TET1: variants seen among roughly 807,000 people sequenced by gnomAD.
The protein encoded by TET1 is tet methylcytosine dioxygenase 1.
Under a neutral mutation model 148.7 loss-of-function variants are expected in TET1, and 13 were observed. That is an observed-to-expected ratio of 0.09 (90% confidence interval 0.06 to 0.14). TET1 has a LOEUF of 0.14. Ranked by LOEUF, TET1 falls within the 10% of genes least tolerant of loss-of-function variation. TET1 has a pLI of 1.00. For synonymous variants in TET1, 907 were observed against 937.2 expected, an observed-to-expected ratio of 0.97 and a Z score of 0.59; for missense variants, 2,182 against 2,553.8, an observed-to-expected ratio of 0.85 and a Z score of 3.14.
At chr10:68,624,690 C>CTTTCTT (rs1447911875) in intron 3 of TET1, among the ~76,000 whole-genome samples, 27 of 123,250 alleles carry the variant, frequency 2.2e-4, no homozygotes, top group African/African-American at 7.9e-4. Context: ...CTCTCTCTCT[C>CTTTCTT]TCTCTCTTTC....
intron 1 of TET1, 93 bp downstream of exon 1, chr10:68,560,835 G>C (rs920829818): frequency 6.6e-6 from 1 of 152,570 alleles, no homozygotes; most frequent in African/African-American, 2.4e-5. Flanking sequence ...CGCTCGGCGC[G>C]GGCTGGATGT....
intron 2 of TET1, among the ~76,000 whole-genome samples, chr10:68,582,126 G>A (rs1253448063): frequency 6.7e-6 from 1 of 148,494 alleles, no homozygotes; most frequent in Non-Finnish European, 1.5e-5. Context: ...TGGAAATGGA[G>A]TTTTGCTCTT....
rs147014358 is a variant in TET1, at chr10:68,572,809, G to A, written c.471G>A (p.Ser157=). The A allele has an allele frequency of 9.3e-6, 15 of 1,613,916 alleles. No individual in the cohort carries two copies. Among genetic ancestry groups the A allele is most frequent in the African/African-American group, 5.3e-5 (4 of 74,882 alleles). The change falls in exon 2 of 12, where the codon TCG becomes TCA. Residue 157 remains serine (S), a synonymous_variant. Coordinates refer to ENST00000373644, the MANE Select transcript of TET1 (RefSeq NM_030625.3). ...ALGVKHSEND[S]VPMQDTQVLP... ...GAGTAAAGCACTCAGAAAATGATTC[G>A]GTTCCAATGCAAGACACCCAAGTCC...
intron 3 of TET1, among the ~76,000 whole-genome samples, chr10:68,637,306 C>CT (rs1415561234): frequency 6.6e-6 from 1 of 151,772 alleles, no homozygotes; most frequent in Non-Finnish European, 1.5e-5. Flanking sequence ...CTTTTTATCC[C>CT]TAAAAAAAGA....
chr10:68,617,232 A>G lies in TET1; in HGVS notation c.1968+16198A>G, dbSNP rs1406400158. 3.5e-3 allele frequency among the ~76,000 whole-genome samples: 407 copies of G among 117,504 alleles called. No individual in the cohort carries two copies. In the Middle Eastern group the frequency reaches 0.056, roughly 16 times the overall value. 77.1% of individuals were successfully genotyped at this position (117,504 alleles called of 152,430 possible). The stretch of plus-strand genomic sequence containing the variant: ...GTAGAGACGGGGTTTCACCATGTTA[A>G]CCAGTATGGTCTCGATCTCCTGACC... On this transcript the variant is annotated intron_variant, in intron 3 of 11. Transcript: ENST00000373644.
rs1379404110 is a variant in TET1 at position 68,562,692 on chromosome 10, C to T, written c.-123+1950C>T. Among the ~76,000 whole-genome samples, 3 of 140,168 alleles carry T rather than the reference C, an allele frequency of 2.1e-5. No homozygotes were observed. The East Asian group carries it at 7.7e-4, about 36-fold the overall frequency. 92.0% of individuals were successfully genotyped at this position (140,168 alleles called of 152,430 possible). A position where few individuals can be genotyped will look rare whatever the true frequency, so the allele number is the denominator to read the frequency against. On this transcript the variant is annotated intron_variant, in intron 1 of 11. Coordinates refer to ENST00000373644, the MANE Select transcript of TET1 (RefSeq NM_030625.3). ...TTAATAAGAGTTAACTATCGCTCTC[C>T]GGGCTGGTCTCCCAGAATAGATGGG...
chr10:68,580,506 A>G (rs2053782143), intron 2 of TET1, among the ~76,000 whole-genome samples: 1 of 149,718 alleles, frequency 6.7e-6, no homozygotes, highest in East Asian at 2.0e-4. Context: ...AAGGCCGGGC[A>G]CGGTGGCTCA....
chr10:68,607,688 T>G (rs2054145083), intron 3 of TET1, among the ~76,000 whole-genome samples: 2 of 151,478 alleles, frequency 1.3e-5, no homozygotes, highest in South Asian at 4.1e-4. Context: ...GCTCCCAAAG[T>G]GCAGGCCTGC....
Position 68,646,039 on chromosome 10 carries a change from C to G in TET1, c.3310C>G (p.Pro1104Ala). 1 of 1,613,966 alleles carries G rather than the reference C, an allele frequency of 6.2e-7. No homozygotes were observed. The highest frequency in any genetic ancestry group is 8.5e-7 in the Non-Finnish European group (1 of 1,180,008). Reference sequence around the variant, plus strand: ...AGAGGACAAAAAAGTTGAAAGTACACCAACAAGCCTTGTCACATGTAATGT... The same window carrying G: ...AGAGGACAAAAAAGTTGAAAGTACAGCAACAAGCCTTGTCACATGTAATGT... The part of the protein sequence containing the change: ...KPEDKKVEST[P>A]TSLVTCNVQQ... The change falls in exon 4 of 12, where the codon CCA becomes GCA. Residue 1104 changes from proline to alanine, a missense_variant. Around this residue, in one of 11 missense-constraint regions of TET1, gnomAD observed 582 missense variants for 599.5 expected, o/e 0.97. Coordinates refer to ENST00000373644, the MANE Select transcript of TET1 (RefSeq NM_030625.3).
intron 3 of TET1, among the ~76,000 whole-genome samples, chr10:68,611,677 TC>T (rs1395059907): frequency 6.8e-5 from 4 of 59,114 alleles, no homozygotes; most frequent in Non-Finnish European, 1.9e-4. Flanking sequence ...TTCTTTTCTT[TC>T]TTTTCTTTTC....
intron 2 of TET1, among the ~76,000 whole-genome samples, chr10:68,592,410 C>T (rs2053929042): frequency 6.6e-6 from 1 of 152,164 alleles, no homozygotes; most frequent in Non-Finnish European, 1.5e-5. Context: ...GAAAAGGTAA[C>T]TTATATTTTT....
chr10:68,675,034 C>T (rs750988650), intron 8 of TET1: 2 of 438,308 alleles, frequency 4.6e-6, no homozygotes, highest in South Asian at 2.1e-5. Context: ...TCTGGAAAAG[C>T]CACTGAGGAC....
intron 6 of TET1, among the ~76,000 whole-genome samples, chr10:68,662,681 C>A (rs768192046): frequency 1.3e-5 from 2 of 152,176 alleles, no homozygotes; most frequent in Admixed American, 6.5e-5. Context: ...ATGCACAGAT[C>A]GCTTGAGGCC....
rs10998370 is a variant in TET1, at chr10:68,657,695, G to T, written c.4461+5101G>T. Among the ~76,000 whole-genome samples, 216 of 152,240 alleles carry T rather than the reference G, an allele frequency of 1.4e-3. 5 individuals carry two copies. In the East Asian group the frequency reaches 0.028, roughly 20 times the overall value. On this transcript the variant is annotated intron_variant, in intron 6 of 11. Coordinates refer to ENST00000373644, the MANE Select transcript of TET1 (RefSeq NM_030625.3). ...GGTATCTTGAAATAGTATGGCTATG[G>T]TATTCATTATTAGCTATATTCTGAG...
intron 8 of TET1, chr10:68,675,079 A>G (rs111755275): frequency 4.0e-5 from 23 of 573,544 alleles, no homozygotes; most frequent in Middle Eastern, 4.8e-4. Flanking sequence ...GCTGATGGAT[A>G]TGAACCACTA....
chr10:68,640,770 C>T (rs1370476548), intron 3 of TET1, among the ~76,000 whole-genome samples: 2 of 151,276 alleles, frequency 1.3e-5, no homozygotes, highest in Admixed American at 6.6e-5. Flanking sequence ...CCAGGATGGT[C>T]TCTATCTCCT....
At chr10:68,679,217 C>T (rs2055404094) in intron 8 of TET1, among the ~76,000 whole-genome samples, 1 of 151,908 alleles carries the variant, frequency 6.6e-6, no homozygotes, top group South Asian at 2.1e-4. Flanking sequence ...AAAATAATAC[C>T]AACAGTGAAC....
chr10:68,572,399 A>G lies in TET1; in HGVS notation c.61A>G (p.Lys21Glu). 1 of 1,613,032 alleles carries G rather than the reference A, an allele frequency of 6.2e-7. No homozygotes were observed. The highest frequency in any genetic ancestry group is 8.5e-7 in the Non-Finnish European group (1 of 1,179,772). Residue 21 changes from lysine (K) to glutamate (E), a missense_variant, in exon 2 of 12, where the codon AAA (lysine) becomes GAA (glutamate). By Grantham distance (56) the Lys-to-Glu change is moderately conservative. Coordinates refer to ENST00000373644, the MANE Select transcript of TET1 (RefSeq NM_030625.3). ...RLVRKEDVNK[K>E]KKNSQLRKTT... ...AGTCAGGAAGGAAGATGTAAACAAA[A>G]AAAAGAAAAACAGCCAACTACGAAA...
At chr10:68,657,675 C>T (rs890815266) in intron 6 of TET1, among the ~76,000 whole-genome samples, 3 of 152,140 alleles carry the variant, frequency 2.0e-5, no homozygotes, top group African/African-American at 7.2e-5. Flanking sequence ...GAATTGGTAT[C>T]TTGAAATAGT....
Sources: allele counts gnomAD v4.1 joint callset (sites outside exome capture counted in the v4.1 genomes callset), GRCh38; gene constraint gnomAD v4.1.1; regional missense constraint gnomAD v4.1.1; transcripts MANE v1.5; gene names NCBI Gene and HGNC (gene_info 2026-07-23, HGNC 2026-07-21).